The following DZIP1 variants were observed in gnomAD, a reference collection of about 807,000 sequenced individuals.
DZIP1 encodes the protein DAZ interacting zinc finger protein 1.
DZIP1 carries 97 observed loss-of-function variants against 107.6 expected under a neutral mutation model. That is an observed-to-expected ratio of 0.90 (90% CI 0.77 to 1.07). The LOEUF is 1.07. DZIP1 is among the 50% of genes least tolerant of loss of function. DZIP1 has a pLI of 0.00. For synonymous variants in DZIP1, 390 were observed against 386.4 expected, an observed-to-expected ratio of 1.01 and a Z score of -0.11; for missense variants, 1,035 against 1,063.6, an observed-to-expected ratio of 0.97 and a Z score of 0.37.
chr13:95,631,643 C>A (rs1032550273), intron 6 of DZIP1, among the ~76,000 whole-genome samples: 1 of 152,234 alleles, frequency 6.6e-6, no homozygotes, highest in Middle Eastern at 3.4e-3. Flanking sequence ...CCCTCTCTTG[C>A]GTCTTCATTT....
rs780984742 is a variant in DZIP1 at position 95,641,527 on chromosome 13, CG to C, written c.364del (p.Arg122ValfsTer30). 1.7e-5 allele frequency: 27 copies of C among 1,614,060 alleles called. No homozygotes were observed. The South Asian group carries it at 3.0e-4, about 18-fold the overall frequency. ...GTACTCGATGGTGAACTGCGCCAGACGGATGAGCTTCAGCAGCACCGGGTCC... is the reference window on the plus strand; with the variant it reads ...GTACTCGATGGTGAACTGCGCCAGACGATGAGCTTCAGCAGCACCGGGTCC... Reference protein sequence around the residue: ...GVDPVLLKLIRLAQFTIEYLL... With the variant: ...GVDPVLLKLIXLAQFTIEYLL... On this transcript the variant is annotated frameshift_variant, in exon 5 of 23. Transcript: ENST00000376829. LOFTEE classifies it high-confidence loss of function. This position sits in a 1 kb window ranked among gnomAD's most constrained non-coding sequence, Gnocchi z 4.3.
intron 13 of DZIP1, among the ~76,000 whole-genome samples, chr13:95,607,597 A>G (rs2044822278): frequency 6.6e-6 from 1 of 152,206 alleles, no homozygotes. Flanking sequence ...TTGCACTACA[A>G]TGGCAGAGGT....
At chr13:95,633,176 T>A in intron 6 of DZIP1, 58 bp downstream of exon 6, 1 of 1,506,164 alleles carries the variant, frequency 6.6e-7, no homozygotes, top group Non-Finnish European at 9.2e-7. Context: ...CAAGTCTCAT[T>A]GCCAAAAGAA....
chr13:95,606,283 T>C (rs975815520), intron 13 of DZIP1, among the ~76,000 whole-genome samples: 2 of 152,216 alleles, frequency 1.3e-5, no homozygotes, highest in African/African-American at 4.8e-5. Context: ...TCAGTGGGTT[T>C]TTAGCATATT....
intron 15 of DZIP1, 81 bp downstream of exon 15, chr13:95,599,284 C>T: frequency 1.6e-6 from 2 of 1,259,632 alleles, no homozygotes; most frequent in South Asian, 2.5e-5. Context: ...GAATAAAAAC[C>T]ACTGGCTCAT....
Position 95,589,945 on chromosome 13 carries a change from GTCATTCATGAGTC to G in DZIP1, c.1844-26_1844-14del. On this transcript the variant is annotated splice_polypyrimidine_tract_variant and intron_variant, in intron 17 of 22. Coordinates refer to ENST00000376829, the MANE Select transcript of DZIP1 (RefSeq NM_198968.4). ...ACACTGCACTGATCTGGAATATAGT[GTCATTCATGAGTC>G]TCCATTACCTTTATGATCAGTAAGT... 1.2e-6 allele frequency: 2 copies of G among 1,611,898 alleles called. No individual in the cohort carries two copies. The highest frequency in any genetic ancestry group is 1.7e-6 in the Non-Finnish European group (2 of 1,179,280).
intron 11 of DZIP1, 144 bp downstream of exon 11, chr13:95,611,889 CACTA>C (rs878988763): frequency 2.1e-6 from 2 of 934,860 alleles, no homozygotes; most frequent in Non-Finnish European, 3.1e-6. Flanking sequence ...TATTTTATTG[CACTA>C]ACTTTTACAA....
intron 7 of DZIP1, among the ~76,000 whole-genome samples, chr13:95,629,319 C>A (rs568378795): frequency 6.6e-6 from 1 of 152,396 alleles, no homozygotes; most frequent in Admixed American, 6.5e-5. Flanking sequence ...CTCAATGAAT[C>A]ATGGGCCTCT....
chr13:95,643,923 T>TGGGCGCAGCG (rs543665559), intron 1 of DZIP1, among the ~76,000 whole-genome samples: 2 of 152,152 alleles, frequency 1.3e-5, no homozygotes, highest in Non-Finnish European at 2.9e-5. Flanking sequence ...CGCTGAGATC[T>TGGGCGCAGCG]GGGCGCAGAG....
rs2044007775 is a variant in DZIP1 at position 95,581,287 on chromosome 13, T to C, written c.*947A>G. ...TTTCGACAATGTCATTGTTTAAGAATGTAACTAAATTACTTTTGAGGTATT... is the reference window on the plus strand; with the variant it reads ...TTTCGACAATGTCATTGTTTAAGAACGTAACTAAATTACTTTTGAGGTATT... On this transcript the variant is annotated 3_prime_UTR_variant, in exon 23 of 23. Transcript: ENST00000376829. 1 of 152,652 alleles carries C rather than the reference T, an allele frequency of 6.6e-6. No individual in the cohort carries two copies. The highest frequency in any genetic ancestry group is 1.5e-5 in the Non-Finnish European group (1 of 68,036). The allele number at this position is 152,652 out of a possible 1,614,324, so 9.5% of individuals were successfully genotyped here.
intron 20 of DZIP1, among the ~76,000 whole-genome samples, 187 bp from the exon 21 acceptor site, chr13:95,586,323 T>C (rs1011741453): frequency 1.3e-5 from 2 of 152,208 alleles, no homozygotes; most frequent in African/African-American, 4.8e-5. Flanking sequence ...AAAAAAATCA[T>C]AATCCTTCAG....
chr13:95,612,018 A>C lies in DZIP1; in HGVS notation c.1314+19T>G, dbSNP rs1303258770. 3.7e-6 allele frequency: 6 copies of C among 1,611,330 alleles called. No individual in the cohort carries two copies. Among genetic ancestry groups the C allele is most frequent in the Non-Finnish European group, 5.1e-6 (6 of 1,179,498 alleles). On this transcript the variant is annotated intron_variant, in intron 11 of 22. Coordinates refer to ENST00000376829, the MANE Select transcript of DZIP1 (RefSeq NM_198968.4). The stretch of plus-strand genomic sequence containing the variant: ...GCGTTGCTTAAAGAAGCACGGTGCC[A>C]CACTGCCGCCAGACATACCTGCTGT...
At chr13:95,583,476 C>A (rs1353872344) in intron 22 of DZIP1, among the ~76,000 whole-genome samples, 1 of 151,950 alleles carries the variant, frequency 6.6e-6, no homozygotes, top group East Asian at 1.9e-4. Flanking sequence ...GGTGCGATGG[C>A]ATAGAGAAGC....
rs750616430 is a variant in DZIP1, at chr13:95,641,741, C to T, written c.151G>A (p.Ala51Thr). Residue 51 changes from alanine to threonine, a missense_variant, in exon 5 of 23, where the codon GCT becomes ACT. Coordinates refer to ENST00000376829, the MANE Select transcript of DZIP1 (RefSeq NM_198968.4). The surrounding 1 kb of genome is among the most constrained non-coding windows in gnomAD (Gnocchi z 4.3). ...ASMACAPPSAASGPLPFFQFR... is the reference protein window; with the variant it reads ...ASMACAPPSATSGPLPFFQFR... ...TGGAAGAAGGGCAGGGGCCCCGAAG[C>T]CGCGCTGGGGGGCGCACAGGCCATG... 1.9e-6 allele frequency: 3 copies of T among 1,591,964 alleles called. No homozygotes were observed. Among genetic ancestry groups the T allele is most frequent in the Admixed American group, 1.7e-5 (1 of 59,206 alleles).
At chr13:95,635,571 C>A (rs1177907533) in intron 5 of DZIP1, among the ~76,000 whole-genome samples, 1 of 152,134 alleles carries the variant, frequency 6.6e-6, no homozygotes, top group African/African-American at 2.4e-5. Flanking sequence ...GGGCTCATGA[C>A]AGCTTTGGTT....
intron 5 of DZIP1, among the ~76,000 whole-genome samples, chr13:95,638,531 G>A (rs1403184028): frequency 6.6e-6 from 1 of 151,980 alleles, no homozygotes; most frequent in Admixed American, 6.6e-5. Flanking sequence ...CCATATATGG[G>A]TATTCACTAT....
chr13:95,587,830 G>A (rs2044204806), intron 19 of DZIP1, 101 bp from the exon 20 acceptor site: 3 of 1,363,602 alleles, frequency 2.2e-6, no homozygotes, highest in Admixed American at 2.5e-5. Context: ...CCTTTCTCAG[G>A]TAATTCTCAG....
intron 14 of DZIP1, among the ~76,000 whole-genome samples, chr13:95,605,235 A>G (rs550971334): frequency 6.6e-6 from 1 of 152,304 alleles, no homozygotes; most frequent in South Asian, 2.1e-4. Context: ...AAAAGACCAA[A>G]AATGAAAGAG....
intron 15 of DZIP1, among the ~76,000 whole-genome samples, chr13:95,595,009 C>T (rs1043871335): frequency 6.6e-6 from 1 of 152,170 alleles, no homozygotes; most frequent in South Asian, 2.1e-4. Flanking sequence ...AGTTCAGACC[C>T]TTACTGACTG....
Sources: allele counts gnomAD v4.1 joint callset (sites outside exome capture counted in the v4.1 genomes callset), GRCh38; gene constraint gnomAD v4.1.1; non-coding constraint Gnocchi (gnomAD v3.1); transcripts MANE v1.5; gene names NCBI Gene and HGNC (gene_info 2026-07-23, HGNC 2026-07-21).